PDE11A: variants seen among roughly 807,000 people sequenced by gnomAD.
PDE11A encodes the protein dual 3',5'-cyclic-AMP and -GMP phosphodiesterase 11A.
In PDE11A, 100 loss-of-function variants were observed where a neutral mutation model predicts 100.5. The ratio of observed to expected loss-of-function variants is 1.00; its 90% CI spans 0.85 to 1.18. PDE11A has a LOEUF of 1.18. PDE11A is among the 50% of genes most tolerant of loss of function. The pLI is 0.00. For synonymous variants in PDE11A, 381 were observed against 420.8 expected (o/e 0.91, Z 1.16); for missense variants, 1,141 against 1,152.6 (o/e 0.99, Z 0.15).
In PDE11A at chr2:177,628,080, T is replaced by C. The variant is rs1456564111; in HGVS notation, c.*1327A>G. Reference sequence around the variant, plus strand: ...CATAGGAATTCAGCTTTTTGACGTTTTATATGTTGGGGATTCATTGAAAGA... The same window carrying C: ...CATAGGAATTCAGCTTTTTGACGTTCTATATGTTGGGGATTCATTGAAAGA... On this transcript the variant is annotated 3_prime_UTR_variant, in exon 20 of 20. Coordinates refer to ENST00000286063, the MANE Select transcript of PDE11A (RefSeq NM_016953.4). 6.6e-6 allele frequency: 1 copy of C among 152,280 alleles called. No individual in the cohort carries two copies. The highest frequency in any genetic ancestry group is 1.5e-5 in the Non-Finnish European group (1 of 68,036). 9.4% of individuals were successfully genotyped at this position (152,280 alleles called of 1,614,324 possible). A position where few individuals can be genotyped will look rare whatever the true frequency, so the allele number is the denominator to read the frequency against.
chr2:177,878,110 T>C (rs929970518), intron 4 of PDE11A, among the ~76,000 whole-genome samples: 1 of 152,172 alleles, frequency 6.6e-6, no homozygotes, highest in Non-Finnish European at 1.5e-5. Context: ...TGTGACCAGA[T>C]GAATGTAGGG....
At chr2:177,785,091 T>C (rs2082513228) in intron 9 of PDE11A, among the ~76,000 whole-genome samples, 1 of 152,188 alleles carries the variant, frequency 6.6e-6, no homozygotes, top group South Asian at 2.1e-4. Flanking sequence ...GGGCTTTGTG[T>C]CAGACTGCTG....
At chr2:177,789,745 A>G (rs572492194) in intron 9 of PDE11A, among the ~76,000 whole-genome samples, 1 of 152,268 alleles carries the variant, frequency 6.6e-6, no homozygotes, top group Admixed American at 6.5e-5. Context: ...TACACCAATA[A>G]CAGACAAACA....
At chr2:178,106,455 T>C (rs2087618665) in intron 1 of PDE11A, among the ~76,000 whole-genome samples, 1 of 152,216 alleles carries the variant, frequency 6.6e-6, no homozygotes, top group Non-Finnish European at 1.5e-5. Context: ...GAGTACTGCA[T>C]TCAATTATCA....
intron 1 of PDE11A, among the ~76,000 whole-genome samples, chr2:178,036,098 A>T (rs1490244513): frequency 6.6e-6 from 1 of 152,244 alleles, no homozygotes; most frequent in African/African-American, 2.4e-5. Flanking sequence ...CTGTTTGCAG[A>T]TGACATGATT....
At chr2:177,853,649 T>C (rs1244003130) in intron 5 of PDE11A, among the ~76,000 whole-genome samples, 5 of 18,878 alleles carry the variant, frequency 2.6e-4, no homozygotes, top group Admixed American at 1.5e-3. Context: ...TATATATATA[T>C]ATATATATAT....
intron 2 of PDE11A, among the ~76,000 whole-genome samples, chr2:178,093,493 A>C (rs1406869488): frequency 1.3e-5 from 2 of 152,208 alleles, no homozygotes; most frequent in African/African-American, 4.8e-5. Context: ...GTTTTAAGAC[A>C]ATAGAGAAAG....
intron 9 of PDE11A, among the ~76,000 whole-genome samples, chr2:177,800,336 A>AT (rs201704893): frequency 4.9e-4 from 75 of 152,004 alleles, no homozygotes; most frequent in African/African-American, 1.3e-3. Context: ...TGCCTGGCTA[A>AT]TTTTTTTTCC....
chr2:177,903,743 G>A (rs943874313), intron 3 of PDE11A, among the ~76,000 whole-genome samples: 4 of 152,222 alleles, frequency 2.6e-5, no homozygotes, highest in African/African-American at 7.2e-5. Context: ...CCTGAAGAAT[G>A]TGTGAGGCAC....
intron 19 of PDE11A, among the ~76,000 whole-genome samples, chr2:177,637,973 ACACGTG>A (rs1472228355): frequency 1.2e-4 from 12 of 96,218 alleles, no homozygotes; most frequent in African/African-American, 3.6e-4. Context: ...GTATATATAT[ACACGTG>A]TATATATATA....
At chr2:177,847,958 A>G (rs1009374756) in intron 5 of PDE11A, among the ~76,000 whole-genome samples, 4 of 151,906 alleles carry the variant, frequency 2.6e-5, no homozygotes, top group Non-Finnish European at 5.9e-5. Context: ...CAATCTCCTC[A>G]TGCAAGTGAA....
chr2:177,957,643 C>T (rs934033230), intron 2 of PDE11A, among the ~76,000 whole-genome samples: 11 of 152,200 alleles, frequency 7.2e-5, no homozygotes, highest in African/African-American at 2.2e-4. Flanking sequence ...TGGAGGCCCT[C>T]TCTCTTGTCA....
intron 9 of PDE11A, among the ~76,000 whole-genome samples, chr2:177,776,916 G>C (rs1047300243): frequency 1.3e-5 from 2 of 152,014 alleles, no homozygotes; most frequent in Non-Finnish European, 2.9e-5. Flanking sequence ...ACTGAAGCAT[G>C]GGGGGGCAGT....
chr2:177,917,355 G>A (rs548863518), intron 2 of PDE11A, among the ~76,000 whole-genome samples: 1 of 152,078 alleles, frequency 6.6e-6, no homozygotes, highest in African/African-American at 2.4e-5. Flanking sequence ...CACCATCTCT[G>A]GTAATAGTTC....
Position 177,655,992 on chromosome 2 carries a change from G to C in PDE11A, c.2646+7874C>G, listed in dbSNP as rs570340054. Among the ~76,000 whole-genome samples the C allele has an allele frequency of 2.0e-5, 3 of 152,262 alleles. No homozygotes were observed. The East Asian group carries it at 5.8e-4, about 29-fold the overall frequency. On this transcript the variant is annotated intron_variant, in intron 19 of 19. Transcript: ENST00000286063. Reference sequence around the variant, plus strand: ...AAAAGAAAATTTAATGTATTTCCTAGCTGAAAAAGTCAAAGCTCTGAATTC... The same window carrying C: ...AAAAGAAAATTTAATGTATTTCCTACCTGAAAAAGTCAAAGCTCTGAATTC...
At chr2:178,053,440 T>C (rs1318575516) in intron 1 of PDE11A, among the ~76,000 whole-genome samples, 1 of 152,056 alleles carries the variant, frequency 6.6e-6, no homozygotes, top group Non-Finnish European at 1.5e-5. Flanking sequence ...AGCATTCCCT[T>C]TGAAAACTGG....
chr2:177,790,940 G>A (rs564115608), intron 9 of PDE11A, among the ~76,000 whole-genome samples: 1 of 152,338 alleles, frequency 6.6e-6, no homozygotes, highest in Admixed American at 6.5e-5. Context: ...CTGTTGGAGA[G>A]ACTGTAAACT....
intron 10 of PDE11A, among the ~76,000 whole-genome samples, chr2:177,764,065 A>T (rs2082206992): frequency 6.6e-6 from 1 of 151,956 alleles, no homozygotes; most frequent in South Asian, 2.1e-4. Flanking sequence ...ATCAAATCTA[A>T]TTTTTTTTAA....
intron 3 of PDE11A, among the ~76,000 whole-genome samples, chr2:177,899,785 A>G (rs950898385): frequency 6.7e-6 from 1 of 149,928 alleles, no homozygotes; most frequent in African/African-American, 2.4e-5. Context: ...ATATACATAT[A>G]TACACACATA....
Sources: allele counts gnomAD v4.1 joint callset (sites outside exome capture counted in the v4.1 genomes callset), GRCh38; gene constraint gnomAD v4.1.1; transcripts MANE v1.5; gene names NCBI Gene and HGNC (gene_info 2026-07-23, HGNC 2026-07-21).